The following COL6A2 variants were observed in gnomAD, a reference collection of about 807,000 sequenced individuals.
The protein encoded by COL6A2 is collagen type VI alpha 2 chain.
In COL6A2, 90 loss-of-function variants were observed where a neutral mutation model predicts 124.9. That is an observed-to-expected ratio of 0.72 (90% CI 0.61 to 0.86). The LOEUF is 0.86. Among genes scored for constraint, COL6A2 ranks in the 40% least tolerant of loss-of-function variants. COL6A2 has a pLI of 0.00. For missense variants in COL6A2, 1,607 were observed against 1,502.5 expected, an observed-to-expected ratio of 1.07 and a Z score of -1.15; for synonymous variants, 793 against 618.2, an observed-to-expected ratio of 1.28 and a Z score of -4.19.
chr21:46,111,338 C>G (rs574902406), intron 1 of COL6A2, 112 bp from the exon 2 acceptor site: 26 of 644,162 alleles, frequency 4.0e-5, no homozygotes, highest in Admixed American at 2.8e-4. Context: ...TCCTTGAAGA[C>G]TGAGGGCAGT....
Position 46,112,831 on chromosome 21 carries a change from G to A in COL6A2, c.735+7G>A, listed in dbSNP as rs575365107. On this transcript the variant is annotated splice_region_variant and intron_variant, in intron 4 of 27. Coordinates refer to ENST00000300527, the MANE Select transcript of COL6A2 (RefSeq NM_001849.4). The stretch of plus-strand genomic sequence containing the variant: ...ACACGAAGCCTACGGAGAGGTGAGT[G>A]GCGCTTCCCTTCCTGCCAGTGCTGG... 52 of 1,613,628 alleles carry A rather than the reference G, an allele frequency of 3.2e-5. 1 individual carries two copies. The Admixed American group carries it at 7.8e-4, about 24-fold the overall frequency.
At chr21:46,106,093 CA>C (rs2078332913) in intron 1 of COL6A2, among the ~76,000 whole-genome samples, 1 of 152,086 alleles carries the variant, frequency 6.6e-6, no homozygotes, top group Admixed American at 6.6e-5. Flanking sequence ...ATACTAATAC[CA>C]GACAAGATAG....
intron 26 of COL6A2, 82 bp from the exon 27 acceptor site, chr21:46,126,421 G>A (rs1003697534): frequency 4.0e-5 from 63 of 1,587,118 alleles, no homozygotes; most frequent in Admixed American, 6.7e-5. Flanking sequence ...CCCTGAGCCT[G>A]TCTAGGCAGA....
Position 46,112,414 on chromosome 21 carries a change from G to A in COL6A2, c.551G>A (p.Gly184Asp). ...KLQAERAREEGIRLFAVAPNQ... is the reference protein window; with the variant it reads ...KLQAERAREEDIRLFAVAPNQ... ...CAGGCCGAGCGGGCCCGCGAGGAGGGCATCCGGCTCTTCGCCGTGGCCCCC... is the reference window on the plus strand; with the variant it reads ...CAGGCCGAGCGGGCCCGCGAGGAGGACATCCGGCTCTTCGCCGTGGCCCCC... The change falls in exon 3 of 28, where the codon GGC becomes GAC. Residue 184 changes from glycine (G) to aspartate (D), a missense_variant. By Grantham distance (94) the Gly-to-Asp change is moderately conservative. Coordinates refer to ENST00000300527, the MANE Select transcript of COL6A2 (RefSeq NM_001849.4). 1 of 1,608,890 alleles carries A rather than the reference G, an allele frequency of 6.2e-7. No individual in the cohort carries two copies. Among genetic ancestry groups the A allele is most frequent in the Non-Finnish European group, 8.5e-7 (1 of 1,179,370 alleles).
intron 16 of COL6A2, 79 bp downstream of exon 16, chr21:46,120,656 G>A (rs2078550496): frequency 2.2e-6 from 3 of 1,335,266 alleles, no homozygotes; most frequent in Admixed American, 2.9e-5. Flanking sequence ...AGGTAGGGTG[G>A]CCGGGACTGC....
chr21:46,132,144 C>T lies in COL6A2; in HGVS notation c.2652C>T (p.Gly884=), dbSNP rs762457293. The T allele has an allele frequency of 1.3e-6, 2 of 1,570,988 alleles. No homozygotes were observed. The highest frequency in any genetic ancestry group is 2.3e-5 in the South Asian group (2 of 86,582). ...NARVALLQFG[G]PGEQQVAFPL... Reference sequence around the variant, plus strand: ...GCGTGGCGCTGCTGCAGTTTGGTGGCCCCGGCGAGCAGCAGGTGGCCTTCC... The same window carrying T: ...GCGTGGCGCTGCTGCAGTTTGGTGGTCCCGGCGAGCAGCAGGTGGCCTTCC... The change falls in exon 28 of 28, where the codon GGC becomes GGT. Residue 884 remains glycine, a synonymous_variant. Coordinates refer to ENST00000300527, the MANE Select transcript of COL6A2 (RefSeq NM_001849.4).
At chr21:46,131,897 C>G (rs2078764814) in intron 27 of COL6A2, 57 bp from the exon 28 acceptor site, 3 of 1,493,344 alleles carry the variant, frequency 2.0e-6, no homozygotes, top group African/African-American at 2.8e-5. Flanking sequence ...GGGGCTGGCA[C>G]CTGCCCGGTC....
In COL6A2 at chr21:46,132,547, T is replaced by G. The variant is rs867708573; in HGVS notation, c.3055T>G (p.Cys1019Gly). 6.3e-7 allele frequency: 1 copy of G among 1,599,450 alleles called. No homozygotes were observed. Residue 1019 changes from cysteine to glycine, a missense_variant, in exon 28 of 28, where the codon TGC (cysteine) becomes GGC (glycine). By Grantham distance (159) the Cys-to-Gly change is radical (BLOSUM62 -3). Transcript: ENST00000300527. ...GFFDRFIRWI[C>G] ...CTTCGACCGCTTCATCCGCTGGATC[T>G]GCTAGCGCCGCCGCCCGGGCCCCGC... is the stretch of plus-strand genomic sequence containing the variant.
chr21:46,114,433 A>G (rs1396927017), intron 5 of COL6A2, among the ~76,000 whole-genome samples: 8 of 151,908 alleles, frequency 5.3e-5, no homozygotes, highest in Admixed American at 5.2e-4. Context: ...TCAAAAAAAA[A>G]AAAAAAAGAA....
At chr21:46,129,456 G>A (rs770153478) in intron 27 of COL6A2, 12 of 1,601,362 alleles carry the variant, frequency 7.5e-6, no homozygotes, top group South Asian at 2.2e-5. Flanking sequence ...CAGGGACATC[G>A]TGGGGGACCC....
Position 46,122,109 on chromosome 21 carries a change from G to A in COL6A2, c.1523G>A (p.Gly508Glu). The change falls in exon 19 of 28, where the codon GGA (glycine) becomes GAA (glutamate). Residue 508 changes from glycine (G) to glutamate (E), a missense_variant and splice_region_variant. Gly to Glu is a moderately conservative substitution (Grantham distance 98). This residue lies in a region of COL6A2 where 1,223 missense variants were observed against 1,052.2 expected (regional missense o/e 1.16). Coordinates refer to ENST00000300527, the MANE Select transcript of COL6A2 (RefSeq NM_001849.4). ...GACCGACTCAACGTCCTCCTCCAGG[G>A]AGACCCCGGCAGGCCTGGATTCAGC... ...RGDSGQPGPK[G>E]DPGRPGFSYP... The A allele has an allele frequency of 6.2e-7, 1 of 1,612,710 alleles. No homozygotes were observed. Among genetic ancestry groups the A allele is most frequent in the Non-Finnish European group, 8.5e-7 (1 of 1,179,972 alleles).
intron 27 of COL6A2, chr21:46,129,123 G>C: frequency 6.2e-7 from 1 of 1,607,860 alleles, no homozygotes; most frequent in Non-Finnish European, 8.5e-7. Context: ...CTCGCTGAGC[G>C]GCTGCCCGAG....
chr21:46,118,947 G>T, intron 13 of COL6A2, 83 bp from the exon 14 acceptor site: 2 of 1,141,782 alleles, frequency 1.8e-6, no homozygotes, highest in Non-Finnish European at 2.6e-6. Context: ...GATAATAGGG[G>T]CTCCACACCA....
rs1437049238 is a variant in COL6A2, at chr21:46,124,223, TGATG to T, written c.1672-422_1672-419del. On this transcript the variant is annotated intron_variant, in intron 21 of 27. Coordinates refer to ENST00000300527, the MANE Select transcript of COL6A2 (RefSeq NM_001849.4). ...GTTAGTGGGTGGCTGGGTGGATGGA[TGATG>T]GATGGGTGACTGGGTGGATGGATGG... Among the ~76,000 whole-genome samples the T allele has an allele frequency of 6.8e-5, 10 of 147,272 alleles. No individual in the cohort carries two copies. In the East Asian group the frequency reaches 1.9e-3, roughly 29 times the overall value.
At position 46,122,450 on chromosome 21, in the gene COL6A2, A is replaced by G. The variant is rs1432443074; in HGVS notation, c.1573-46A>G. The stretch of plus-strand genomic sequence containing the variant: ...AAGCTGCCCAGAGGGAGGAAGGAGC[A>G]CTGGGATCTGAGGCTGAGTCACCCT... On this transcript the variant is annotated intron_variant, in intron 19 of 27. Coordinates refer to ENST00000300527, the MANE Select transcript of COL6A2 (RefSeq NM_001849.4). The G allele has an allele frequency of 3.7e-6, 6 of 1,611,516 alleles. No individual in the cohort carries two copies. In the East Asian group the frequency reaches 1.3e-4, roughly 36 times the overall value.
At chr21:46,098,540 C>T (rs1301393592) in intron 1 of COL6A2, among the ~76,000 whole-genome samples, 1 of 151,858 alleles carries the variant, frequency 6.6e-6, no homozygotes, top group Non-Finnish European at 1.5e-5. Flanking sequence ...CCGCCAGGCC[C>T]CGCGTCTGCG....
intron 24 of COL6A2, 32 bp from the exon 25 acceptor site, chr21:46,125,433 G>C (rs527880374): frequency 1.2e-6 from 2 of 1,610,880 alleles, no homozygotes; most frequent in African/African-American, 1.3e-5. Flanking sequence ...AGGTCTCCCC[G>C]GTACCCCCCG....
At chr21:46,117,343 G>C in intron 10 of COL6A2, 57 bp from the exon 11 acceptor site, 1 of 1,551,412 alleles carries the variant, frequency 6.4e-7, no homozygotes, top group Non-Finnish European at 8.9e-7. Context: ...TTGGTCGTTG[G>C]CACACATGGA....
chr21:46,115,332 C>G (rs749728487), intron 5 of COL6A2, among the ~76,000 whole-genome samples: 4 of 152,212 alleles, frequency 2.6e-5, no homozygotes, highest in Non-Finnish European at 4.4e-5. Flanking sequence ...CTTAATTCTT[C>G]CCCTTTCCTC....
Sources: gnomAD v4.1 joint callset for allele counts (sites outside exome capture counted in the v4.1 genomes callset) on GRCh38, gnomAD v4.1.1 for gene constraint, gnomAD v4.1.1 regional missense constraint, MANE v1.5 for transcripts, NCBI Gene and HGNC (gene_info 2026-07-23, HGNC 2026-07-21) for gene names.